Variants in NR3C2 observed in about 807,000 individuals in gnomAD.
NR3C2 encodes nuclear receptor subfamily 3 group C member 2, also known as mineralocorticoid receptor.
In NR3C2, 15 loss-of-function variants were observed where a neutral mutation model predicts 86.4. That is an observed-to-expected ratio of 0.17 (90% CI 0.12 to 0.27). NR3C2 has a LOEUF of 0.27. Among genes scored for constraint, NR3C2 ranks in the 10% least tolerant of loss-of-function variants. The probability of loss-of-function intolerance (pLI) is 1.00; values close to 1 mark genes in which losing one functional copy is unlikely to be tolerated. For synonymous variants in NR3C2, 458 were observed against 450.5 expected (o/e 1.02, Z -0.21); for missense variants, 960 against 1,195.6 (o/e 0.80, Z 2.91).
chr4:148,371,517 TTAAA>T (rs1184605548), intron 2 of NR3C2, among the ~76,000 whole-genome samples: 1 of 152,096 alleles, frequency 6.6e-6, no homozygotes, highest in Non-Finnish European at 1.5e-5. Flanking sequence ...CAACACTTAA[TTAAA>T]TAACCATATC....
intron 2 of NR3C2, among the ~76,000 whole-genome samples, chr4:148,345,877 T>C (rs139061844): frequency 4.1e-3 from 627 of 152,216 alleles, no homozygotes; most frequent in African/African-American, 0.014. Flanking sequence ...TCAGAGGTTA[T>C]AGCCCAGTAA....
intron 2 of NR3C2, among the ~76,000 whole-genome samples, chr4:148,349,659 A>T (rs979076296): frequency 6.6e-6 from 1 of 151,838 alleles, no homozygotes; most frequent in Non-Finnish European, 1.5e-5. Context: ...AAAAAAATTC[A>T]TAATAACTAC....
At chr4:148,292,395 T>A (rs1041162289) in intron 2 of NR3C2, among the ~76,000 whole-genome samples, 2 of 152,088 alleles carry the variant, frequency 1.3e-5, no homozygotes, top group African/African-American at 4.8e-5. Context: ...TTGCTTTATA[T>A]AATTATATGG....
At chr4:148,133,193 C>CAA (rs372452845) in intron 6 of NR3C2, among the ~76,000 whole-genome samples, 8 of 97,208 alleles carry the variant, frequency 8.2e-5, no homozygotes, top group African/African-American at 1.3e-4. Context: ...GAACCTGTCT[C>CAA]AAAAAAAAAA....
At position 148,394,793 on chromosome 4, in the gene NR3C2, G is replaced by T. The variant is rs114828017; in HGVS notation, c.1757+40311C>A. 2.7e-3 allele frequency among the ~76,000 whole-genome samples: 414 copies of T among 152,308 alleles called. 1 individual carries two copies. The highest frequency in any genetic ancestry group is 9.6e-3 in the African/African-American group (399 of 41,560). ...ATCTGGGGAAAGAACAGTTTATTGT[G>T]GTGAAATAATTGGTAACATTTTTGC... On this transcript the variant is annotated intron_variant, in intron 2 of 8. Transcript: ENST00000358102.
intron 8 of NR3C2, among the ~76,000 whole-genome samples, chr4:148,109,855 G>C (rs1731973334): frequency 6.6e-6 from 1 of 151,768 alleles, no homozygotes; most frequent in African/African-American, 2.4e-5. Context: ...TGCATCAAGA[G>C]GTACTATTAA....
At chr4:148,207,259 GA>G (rs1470951067) in intron 3 of NR3C2, among the ~76,000 whole-genome samples, 1 of 152,102 alleles carries the variant, frequency 6.6e-6, no homozygotes, top group African/African-American at 2.4e-5. Flanking sequence ...CCTGAGCAAG[GA>G]AATGGGTAGC....
chr4:148,302,702 C>T (rs566406214), intron 2 of NR3C2, among the ~76,000 whole-genome samples: 2 of 152,142 alleles, frequency 1.3e-5, no homozygotes, highest in Non-Finnish European at 2.9e-5. Context: ...GGGTCCTAAC[C>T]TGTGGTGAGT....
At chr4:148,426,675 G>A (rs1229672821) in intron 2 of NR3C2, among the ~76,000 whole-genome samples, 1 of 152,142 alleles carries the variant, frequency 6.6e-6, no homozygotes, top group Non-Finnish European at 1.5e-5. Context: ...CTAACAAAAT[G>A]CACTTTAAAC....
intron 3 of NR3C2, among the ~76,000 whole-genome samples, chr4:148,203,155 G>C (rs1736815415): frequency 6.6e-6 from 1 of 152,012 alleles, no homozygotes; most frequent in East Asian, 1.9e-4. Flanking sequence ...TTATATGCCA[G>C]AGCCATTAAT....
chr4:148,320,756 A>T (rs1387809441), intron 2 of NR3C2, among the ~76,000 whole-genome samples: 2 of 150,846 alleles, frequency 1.3e-5, no homozygotes, highest in African/African-American at 4.9e-5. Context: ...CGTCTATTTG[A>T]TTCTTCTCTC....
chr4:148,089,510 G>A (rs914403390), intron 8 of NR3C2, among the ~76,000 whole-genome samples: 1 of 152,170 alleles, frequency 6.6e-6, no homozygotes, highest in South Asian at 2.1e-4. Context: ...GAGCAAGAGC[G>A]CTTTGATTCT....
intron 3 of NR3C2, among the ~76,000 whole-genome samples, chr4:148,231,206 G>A (rs1245145414): frequency 6.6e-6 from 1 of 152,168 alleles, no homozygotes; most frequent in African/African-American, 2.4e-5. Context: ...TCTAATGCAT[G>A]TAAGGACCTA....
At position 148,172,553 on chromosome 4, in the gene NR3C2, T is replaced by G. The variant is rs532843115; in HGVS notation, c.2015-17652A>C. On this transcript the variant is annotated intron_variant, in intron 4 of 8. Coordinates refer to ENST00000358102, the MANE Select transcript of NR3C2 (RefSeq NM_000901.5). The stretch of plus-strand genomic sequence containing the variant: ...AAATACCATCGTTTGGACTCTGTTA[T>G]AGGACTAGTTTTATAATGAAATCTT... 2.7e-3 allele frequency among the ~76,000 whole-genome samples: 410 copies of G among 152,330 alleles called. 1 individual carries two copies. Among genetic ancestry groups the G allele is most frequent in the Non-Finnish European group, 5.0e-3 (337 of 68,024 alleles).
chr4:148,346,633 G>A (rs936919362), intron 2 of NR3C2, among the ~76,000 whole-genome samples: 2 of 152,032 alleles, frequency 1.3e-5, no homozygotes, highest in Non-Finnish European at 2.9e-5. Flanking sequence ...AGGGCAAAGT[G>A]AAATGTACTA....
chr4:148,272,728 T>C (rs1740751718), intron 2 of NR3C2, among the ~76,000 whole-genome samples: 1 of 152,202 alleles, frequency 6.6e-6, no homozygotes, highest in South Asian at 2.1e-4. Context: ...CAGAAGTTTT[T>C]AAAATAAAAG....
intron 4 of NR3C2, among the ~76,000 whole-genome samples, chr4:148,190,106 T>G (rs1003978469): frequency 2.6e-5 from 4 of 152,218 alleles, no homozygotes; most frequent in Non-Finnish European, 5.9e-5. Flanking sequence ...TTCTTGTTTC[T>G]CTACTTCTTT....
chr4:148,404,937 C>A (rs1472501932), intron 2 of NR3C2, among the ~76,000 whole-genome samples: 1 of 152,058 alleles, frequency 6.6e-6, no homozygotes, highest in Non-Finnish European at 1.5e-5. Flanking sequence ...AACTTCAATG[C>A]ATGTGGAGAA....
intron 2 of NR3C2, among the ~76,000 whole-genome samples, chr4:148,266,973 GA>G (rs1431274502): frequency 6.6e-6 from 1 of 152,148 alleles, no homozygotes. Flanking sequence ...GAGTTACGGG[GA>G]ATTTCTTTTG....
Sources: allele counts gnomAD v4.1 joint callset (sites outside exome capture counted in the v4.1 genomes callset), GRCh38; gene constraint gnomAD v4.1.1; transcripts MANE v1.5; gene names NCBI Gene and HGNC (gene_info 2026-07-23, HGNC 2026-07-21).